PCDH19: variants seen among roughly 807,000 people sequenced by gnomAD.
PCDH19 encodes protocadherin 19.
Under a neutral mutation model 46.2 loss-of-function variants are expected in PCDH19, and 6 were observed. The observed-to-expected ratio is 0.13, with a 90% CI of 0.07 to 0.26. The LOEUF (loss-of-function observed/expected upper bound fraction) is 0.26. PCDH19 is among the 10% of genes least tolerant of loss of function. PCDH19 has a pLI of 1.00. For synonymous variants in PCDH19, 481 were observed against 415.7 expected, an observed-to-expected ratio of 1.16 and a Z score of -1.91; for missense variants, 740 against 972.3, an observed-to-expected ratio of 0.76 and a Z score of 3.18.
At chrX:100,350,741 A>G in intron 3 of PCDH19, 37 bp from the exon 4 acceptor site, 1 of 903,239 alleles carries the variant, frequency 1.1e-6, no homozygotes, top group African/African-American at 1.9e-5. Context: ...GGTTACACAG[A>G]TGATTCATAA....
chrX:100,382,725 A>G (rs1349220157), intron 3 of PCDH19, among the ~76,000 whole-genome samples: 2 of 111,936 alleles, frequency 1.8e-5, no homozygotes, highest in Non-Finnish European at 3.8e-5. Context: ...TTAAGGCCTA[A>G]ATTGATATCC....
At chrX:100,340,463 T>C (rs1207554233) in intron 5 of PCDH19, among the ~76,000 whole-genome samples, 2 of 112,465 alleles carry the variant, frequency 1.8e-5, no homozygotes, top group Admixed American at 9.4e-5. Flanking sequence ...AACACACAAC[T>C]AGTAAATGAT....
At chrX:100,381,201 T>C (rs143907203) in intron 3 of PCDH19, among the ~76,000 whole-genome samples, 5 of 112,115 alleles carry the variant, frequency 4.5e-5, no homozygotes, top group African/African-American at 1.3e-4. Flanking sequence ...TGACTAAACA[T>C]GTAATATTAC....
At chrX:100,363,664 C>T (rs1926968953) in intron 3 of PCDH19, among the ~76,000 whole-genome samples, 1 of 95,015 alleles carries the variant, frequency 1.1e-5, no homozygotes, top group South Asian at 4.6e-4. Flanking sequence ...ATATTCTGTA[C>T]ATGATAAATA....
chrX:100,396,613 G>A (rs1466851796), intron 3 of PCDH19, among the ~76,000 whole-genome samples: 1 of 111,768 alleles, frequency 8.9e-6, no homozygotes, highest in African/African-American at 3.3e-5. Flanking sequence ...GTTAATTGCC[G>A]ATAAGGAATG....
At chrX:100,312,890 G>A (rs1220898436) in intron 5 of PCDH19, among the ~76,000 whole-genome samples, 1 of 111,052 alleles carries the variant, frequency 9.0e-6, no homozygotes, top group Non-Finnish European at 1.9e-5. Flanking sequence ...AGGAGTAGCA[G>A]AAGGCTCTCT....
At position 100,409,709 on chromosome X, in the gene PCDH19, TCCGCCGCCG is replaced by T. The variant is rs59564734; in HGVS notation, c.-1121_-1113del. ...TTTGGGCTGGGGTGTCGCTCCAAGGTCCGCCGCCGCCGCCGCCGCCGCCGCCGCCGCGGG... is the reference window on the plus strand; with the variant it reads ...TTTGGGCTGGGGTGTCGCTCCAAGGTCCGCCGCCGCCGCCGCCGCCGCGGG... On this transcript the variant is annotated 5_prime_UTR_variant, in exon 1 of 6. Transcript: ENST00000373034. 10,555 of 243,729 alleles carry T rather than the reference TCCGCCGCCG, an allele frequency of 0.043. 606 individuals are homozygous for T. The highest frequency in any genetic ancestry group is 0.2 in the African/African-American group (6,025 of 30,723). 20.1% of individuals were successfully genotyped at this position (243,729 alleles called of 1,213,427 possible). A position where few individuals can be genotyped will look rare whatever the true frequency, so the allele number is the denominator to read the frequency against.
chrX:100,408,271 T>C lies in PCDH19; in HGVS notation c.327A>G (p.Ser109=). The C allele has an allele frequency of 8.3e-7, 1 of 1,211,347 alleles. No homozygotes were observed. The highest frequency in any genetic ancestry group is 1.1e-6 in the Non-Finnish European group (1 of 895,260). ...CCACCTTTATCACGCAGATTTCCAT[T>C]GAGCTGGACATGACCTCGAGCGAGA... ...CIISLEVMSS[S]MEICVIKVEI... The change falls in exon 1 of 6, where the codon TCA becomes TCG. Residue 109 remains serine, a synonymous_variant. Coordinates refer to ENST00000373034, the MANE Select transcript of PCDH19 (RefSeq NM_001184880.2).
chrX:100,398,440 A>G (rs1427169088), intron 3 of PCDH19, among the ~76,000 whole-genome samples: 1 of 112,361 alleles, frequency 8.9e-6, no homozygotes, highest in Non-Finnish European at 1.9e-5. Context: ...ACACTGATAC[A>G]AGAGCTATCT....
At chrX:100,303,446 G>A (rs1924848538) in intron 5 of PCDH19, among the ~76,000 whole-genome samples, 1 of 111,967 alleles carries the variant, frequency 8.9e-6, no homozygotes, top group Non-Finnish European at 1.9e-5. Context: ...GAAAATATCT[G>A]TTATGTATCT....
intron 3 of PCDH19, among the ~76,000 whole-genome samples, chrX:100,361,253 A>G: frequency 8.9e-6 from 1 of 112,426 alleles, no homozygotes; most frequent in African/African-American, 3.2e-5. Flanking sequence ...TGCCTATTAT[A>G]AAAAGGGTTC....
intron 1 of PCDH19, among the ~76,000 whole-genome samples, chrX:100,404,988 T>C (rs1928302462): frequency 8.9e-6 from 1 of 112,483 alleles, no homozygotes; most frequent in Non-Finnish European, 1.9e-5. Flanking sequence ...GCCATTTCAC[T>C]AGTAACAGGA....
intron 5 of PCDH19, among the ~76,000 whole-genome samples, chrX:100,319,904 G>T (rs1345048798): frequency 8.9e-6 from 1 of 112,239 alleles, no homozygotes; most frequent in Non-Finnish European, 1.9e-5. Context: ...AGAAATGGAT[G>T]ATTCAGTAAG....
At chrX:100,338,962 C>T (rs1402856676) in intron 5 of PCDH19, among the ~76,000 whole-genome samples, 1 of 111,996 alleles carries the variant, frequency 8.9e-6, no homozygotes, top group Non-Finnish European at 1.9e-5. Context: ...TGTCCACATA[C>T]GTGCAAGGAA....
intron 1 of PCDH19, among the ~76,000 whole-genome samples, chrX:100,405,057 T>A (rs927690950): frequency 1.1e-4 from 12 of 112,526 alleles, no homozygotes; most frequent in Non-Finnish European, 2.1e-4. Flanking sequence ...GATATTCATG[T>A]GTGGTTAGCA....
chrX:100,372,593 AG>A (rs903577233), intron 3 of PCDH19, among the ~76,000 whole-genome samples: 3 of 112,964 alleles, frequency 2.7e-5, no homozygotes, highest in African/African-American at 9.6e-5. Context: ...TGGGTCAGCC[AG>A]AATGCTGGCA....
chrX:100,402,375 G>T, intron 3 of PCDH19, 149 bp downstream of exon 3: 1 of 531,114 alleles, frequency 1.9e-6, no homozygotes, highest in Non-Finnish European at 3.2e-6. Flanking sequence ...AGCACTGATA[G>T]CAAACCCTTA....
chrX:100,357,957 G>C (rs61592553), intron 3 of PCDH19, among the ~76,000 whole-genome samples: 6 of 112,162 alleles, frequency 5.3e-5, no homozygotes, highest in African/African-American at 1.9e-4. Context: ...GGCAGGTGAC[G>C]AAGTTTATTA....
At chrX:100,391,703 G>A (rs1018198327) in intron 3 of PCDH19, among the ~76,000 whole-genome samples, 3 of 112,199 alleles carry the variant, frequency 2.7e-5, no homozygotes, top group African/African-American at 9.7e-5. Flanking sequence ...GGTGTAGTTT[G>A]GCATTTGTCT....
Sources: gnomAD v4.1 joint callset for allele counts (sites outside exome capture counted in the v4.1 genomes callset) on GRCh38, gnomAD v4.1.1 for gene constraint, MANE v1.5 for transcripts, NCBI Gene and HGNC (gene_info 2026-07-23, HGNC 2026-07-21) for gene names.